ZNF148: variants seen among roughly 807,000 people sequenced by gnomAD.
ZNF148 encodes the protein Beta-Enolase Repressor Factor-1.
In ZNF148, 7 loss-of-function variants were observed where a neutral mutation model predicts 67.7. The observed-to-expected ratio is 0.10, with a 90% confidence interval of 0.06 to 0.19. ZNF148 has a LOEUF of 0.19. Ranked by LOEUF, ZNF148 falls within the 10% of genes least tolerant of loss-of-function variation. The pLI, the probability that ZNF148 is intolerant of heterozygous loss-of-function variation, is 1.00. For synonymous variants in ZNF148, 333 were observed against 330.7 expected, an observed-to-expected ratio of 1.01 and a Z score of -0.08; for missense variants, 583 against 947.1, an observed-to-expected ratio of 0.62 and a Z score of 5.05.
At chr3:125,251,532 T>C (rs1936842331) in intron 7 of ZNF148, among the ~76,000 whole-genome samples, 1 of 152,208 alleles carries the variant, frequency 6.6e-6, no homozygotes, top group Non-Finnish European at 1.5e-5. Flanking sequence ...CAGTGATCAC[T>C]ATCCTAATTT....
chr3:125,311,402 A>G (rs1486535759), intron 4 of ZNF148: 1 of 152,274 alleles, frequency 6.6e-6, no homozygotes, highest in Non-Finnish European at 1.5e-5. Context: ...CTTTTTCTTA[A>G]AAGAGTTTTT....
intron 3 of ZNF148, among the ~76,000 whole-genome samples, chr3:125,314,099 C>T (rs949739938): frequency 1.3e-5 from 2 of 151,984 alleles, no homozygotes; most frequent in East Asian, 1.9e-4. Flanking sequence ...AGAGTCTCAG[C>T]AGTAATCCAA....
chr3:125,321,662 G>A (rs1387481976), intron 3 of ZNF148, among the ~76,000 whole-genome samples: 3 of 151,984 alleles, frequency 2.0e-5, no homozygotes, highest in African/African-American at 7.3e-5. Context: ...ATCTTAACAA[G>A]GAGAGGGGGA....
chr3:125,364,474 T>C (rs1942643387), intron 1 of ZNF148, among the ~76,000 whole-genome samples: 1 of 152,056 alleles, frequency 6.6e-6, no homozygotes, highest in Non-Finnish European at 1.5e-5. Flanking sequence ...TGTGGTATAT[T>C]CATATGATAG....
chr3:125,276,520 G>A (rs1938081387), intron 7 of ZNF148, among the ~76,000 whole-genome samples: 1 of 151,874 alleles, frequency 6.6e-6, no homozygotes, highest in South Asian at 2.1e-4. Context: ...CGCAACCTCC[G>A]CCTCCCGGGT....
At chr3:125,268,251 A>AC (rs1553811411) in intron 7 of ZNF148, among the ~76,000 whole-genome samples, 2 of 150,718 alleles carry the variant, frequency 1.3e-5, no homozygotes, top group African/African-American at 4.9e-5. Context: ...AAAAAAAAAA[A>AC]CAGCCCCAAA....
chr3:125,283,854 G>A (rs1938520671), intron 5 of ZNF148, among the ~76,000 whole-genome samples: 1 of 152,044 alleles, frequency 6.6e-6, no homozygotes, highest in African/African-American at 2.4e-5. Context: ...GCTGGGAAAG[G>A]ATTCTCTATT....
intron 4 of ZNF148, among the ~76,000 whole-genome samples, chr3:125,288,792 A>G (rs941567977): frequency 1.6e-4 from 24 of 152,168 alleles, no homozygotes; most frequent in African/African-American, 5.5e-4. Context: ...CTCAGCCAGT[A>G]CTTTCCTGGG....
intron 6 of ZNF148, among the ~76,000 whole-genome samples, chr3:125,278,732 A>G (rs773207836): frequency 6.6e-6 from 1 of 152,118 alleles, no homozygotes; most frequent in Non-Finnish European, 1.5e-5. Flanking sequence ...ACTGTTCTCT[A>G]CAATTTCATT....
At chr3:125,305,254 A>G (rs942513250) in intron 4 of ZNF148, among the ~76,000 whole-genome samples, 4 of 152,234 alleles carry the variant, frequency 2.6e-5, no homozygotes, top group Non-Finnish European at 5.9e-5. Flanking sequence ...TATTCCTGCC[A>G]AAGATGCTTA....
At chr3:125,342,008 GA>G (rs59017294) in intron 1 of ZNF148, among the ~76,000 whole-genome samples, 1 of 142,378 alleles carries the variant, frequency 7.0e-6, no homozygotes, top group African/African-American at 2.6e-5. Flanking sequence ...GCGGGGGGGG[GA>G]ATGGAAATCA....
chr3:125,308,448 T>C (rs1196662833), intron 4 of ZNF148, among the ~76,000 whole-genome samples: 1 of 151,704 alleles, frequency 6.6e-6, no homozygotes, highest in African/African-American at 2.4e-5. Context: ...GGAGCCATTA[T>C]TGTTTAGATG....
chr3:125,267,117 G>A (rs1318086799), intron 7 of ZNF148, among the ~76,000 whole-genome samples: 1 of 149,244 alleles, frequency 6.7e-6, no homozygotes, highest in African/African-American at 2.4e-5. Context: ...ATTCACAGCT[G>A]AATTCTACCA....
intron 4 of ZNF148, among the ~76,000 whole-genome samples, chr3:125,310,007 G>C (rs1253697078): frequency 6.6e-6 from 1 of 151,396 alleles, no homozygotes; most frequent in African/African-American, 2.4e-5. Context: ...CAGAATGGTA[G>C]CTAGAAAATA....
chr3:125,233,800 T>C lies in ZNF148; in HGVS notation c.926A>G (p.Asp309Gly). The C allele has an allele frequency of 6.2e-7, 1 of 1,613,940 alleles. No homozygotes were observed. Among genetic ancestry groups the C allele is most frequent in the Non-Finnish European group, 8.5e-7 (1 of 1,179,900 alleles). The part of the protein sequence containing the change: ...EDSGFSTSPK[D>G]NSLPKKKRQK... ...CCTTTTCTTTTTTGGCAGTGAGTTG[T>C]CTTTTGGTGATGTAGAAAAGCCAGA... is the stretch of plus-strand genomic sequence containing the variant. Residue 309 changes from aspartate (D) to glycine (G), a missense_variant, in exon 9 of 9, where the codon GAC becomes GGC. This residue lies in a region of ZNF148 where 78 missense variants were observed against 86.5 expected (regional missense o/e 0.90). Transcript: ENST00000360647. The surrounding 1 kb of genome is among the most constrained non-coding windows in gnomAD (Gnocchi z 5.1).
chr3:125,283,331 T>C (rs1338543), intron 5 of ZNF148, among the ~76,000 whole-genome samples: 117,192 of 152,002 alleles, frequency 0.77, 45,727 homozygotes, highest in African/African-American at 0.85. Flanking sequence ...TTTTAAATGG[T>C]AAGCTTTTGA....
At chr3:125,319,013 A>C (rs1427176242) in intron 3 of ZNF148, among the ~76,000 whole-genome samples, 1 of 151,418 alleles carries the variant, frequency 6.6e-6, no homozygotes, top group Non-Finnish European at 1.5e-5. Flanking sequence ...CAACCCCCCC[A>C]CACACCTAAC....
intron 1 of ZNF148, among the ~76,000 whole-genome samples, chr3:125,371,153 G>GACC (rs1942866003): frequency 6.6e-6 from 1 of 151,118 alleles, no homozygotes; most frequent in South Asian, 2.1e-4. Context: ...AAGAGTGCAA[G>GACC]ACCAGCCTGG....
At chr3:125,299,356 C>A (rs1939462666) in intron 4 of ZNF148, among the ~76,000 whole-genome samples, 1 of 152,072 alleles carries the variant, frequency 6.6e-6, no homozygotes, top group Non-Finnish European at 1.5e-5. Context: ...TGTTAGGAGA[C>A]TGGTTATGTT....
Sources: allele counts gnomAD v4.1 joint callset (sites outside exome capture counted in the v4.1 genomes callset), GRCh38; gene constraint gnomAD v4.1.1; regional missense constraint gnomAD v4.1.1; non-coding constraint Gnocchi (gnomAD v3.1); transcripts MANE v1.5; gene names NCBI Gene and HGNC (gene_info 2026-07-23, HGNC 2026-07-21).